Variants in TNKS2 observed in about 807,000 individuals in gnomAD.
The protein encoded by TNKS2 is poly [ADP-ribose] polymerase tankyrase-2.
In TNKS2, 72 loss-of-function variants were observed where a neutral mutation model predicts 137.6. That is an observed-to-expected ratio of 0.52 (90% CI 0.43 to 0.64). The LOEUF is 0.64. TNKS2 is among the 30% of genes least tolerant of loss of function. The probability of loss-of-function intolerance (pLI) is 0.00; values close to 1 mark genes in which losing one functional copy is unlikely to be tolerated. For missense variants in TNKS2, 1,049 were observed against 1,410.2 expected (o/e 0.74, Z 4.10); for synonymous variants, 516 against 512.1 (o/e 1.01, Z -0.10).
intron 12 of TNKS2, among the ~76,000 whole-genome samples, chr10:91,834,801 A>T (rs939988962): frequency 3.3e-5 from 5 of 152,128 alleles, no homozygotes; most frequent in African/African-American, 1.2e-4. Flanking sequence ...CATTCATTTC[A>T]TTGTCAGTTT....
In TNKS2 at chr10:91,805,328, A is replaced by G. The variant is rs183453827; in HGVS notation, c.199+6439A>G. 3.3e-5 allele frequency among the ~76,000 whole-genome samples: 5 copies of G among 152,324 alleles called. No homozygotes were observed. The East Asian group carries it at 9.6e-4, about 29-fold the overall frequency. On this transcript the variant is annotated intron_variant, in intron 1 of 26. Coordinates refer to ENST00000371627, the MANE Select transcript of TNKS2 (RefSeq NM_025235.4). ...ACTGGTTTCAGACATCTTAATGACT[A>G]GGGAATCATGTTGATACAGACATTG...
At chr10:91,816,763 T>C (rs984747388) in intron 2 of TNKS2, among the ~76,000 whole-genome samples, 1 of 152,050 alleles carries the variant, frequency 6.6e-6, no homozygotes, top group Admixed American at 6.5e-5. Flanking sequence ...ATTTCTGTCA[T>C]GATGAACAGT....
At chr10:91,841,570 T>A in intron 15 of TNKS2, 122 bp downstream of exon 15, 1 of 606,110 alleles carries the variant, frequency 1.6e-6, no homozygotes, top group Non-Finnish European at 2.5e-6. Flanking sequence ...CCTAATTCTG[T>A]ACCTAGATTT....
At chr10:91,813,281 T>G in intron 2 of TNKS2, 74 bp downstream of exon 2, 1 of 1,210,100 alleles carries the variant, frequency 8.3e-7, no homozygotes, top group Non-Finnish European at 1.2e-6. Context: ...AATCTGTTCA[T>G]ATCATCAAAT....
At position 91,862,133 on chromosome 10, in the gene TNKS2, A is replaced by G. The variant is rs1334941300; in HGVS notation, c.3416A>G (p.Tyr1139Cys). The G allele has an allele frequency of 6.2e-7, 1 of 1,608,904 alleles. No individual in the cohort carries two copies. Among genetic ancestry groups the G allele is most frequent in the East Asian group, 2.2e-5 (1 of 44,552 alleles). The part of the protein sequence containing the change: ...PSVNGLALAE[Y>C]VIYRGEQAYP... Reference sequence around the variant, plus strand: ...GTAAATGGCCTAGCATTAGCTGAATATGTTATTTACAGAGGAGAACAGGTA... The same window carrying G: ...GTAAATGGCCTAGCATTAGCTGAATGTGTTATTTACAGAGGAGAACAGGTA... Residue 1139 changes from tyrosine to cysteine, a missense_variant, in exon 26 of 27, where the codon TAT becomes TGT. Tyr to Cys is a radical substitution (Grantham distance 194). This residue lies in a region of TNKS2 where 133 missense variants were observed against 248.4 expected (regional missense o/e 0.54). Coordinates refer to ENST00000371627, the MANE Select transcript of TNKS2 (RefSeq NM_025235.4).
intron 1 of TNKS2, among the ~76,000 whole-genome samples, chr10:91,810,475 A>G (rs922872297): frequency 1.3e-5 from 2 of 151,896 alleles, no homozygotes; most frequent in African/African-American, 4.8e-5. Flanking sequence ...GCCTTAGCCT[A>G]ACATACTCCT....
intron 21 of TNKS2, among the ~76,000 whole-genome samples, chr10:91,853,034 C>T (rs779035382): frequency 6.6e-6 from 1 of 152,032 alleles, no homozygotes; most frequent in Non-Finnish European, 1.5e-5. Context: ...AAACTAGAAC[C>T]CTCAGTTGTA....
intron 1 of TNKS2, 36 bp downstream of exon 1, chr10:91,798,925 AC>A: frequency 7.5e-7 from 1 of 1,335,282 alleles, no homozygotes; most frequent in Admixed American, 3.6e-5. Flanking sequence ...CTCGCTCCAG[AC>A]CCCACCTGCG....
At position 91,827,006 on chromosome 10, in the gene TNKS2, T is replaced by C; in HGVS notation, c.796-11T>C. The C allele has an allele frequency of 6.6e-7, 1 of 1,520,422 alleles. No individual in the cohort carries two copies. The highest frequency in any genetic ancestry group is 8.8e-7 in the Non-Finnish European group (1 of 1,132,782). The allele number at this position is 1,520,422 out of a possible 1,614,324, so 94.2% of individuals were successfully genotyped here. A position where few individuals can be genotyped will look rare whatever the true frequency, so the allele number is the denominator to read the frequency against. ...AAATTGAACATTAAATATATGCTTT[T>C]TGCTCTCCAGCATGGTGCCTGTGTA... On this transcript the variant is annotated splice_polypyrimidine_tract_variant and intron_variant, in intron 7 of 26. Coordinates refer to ENST00000371627, the MANE Select transcript of TNKS2 (RefSeq NM_025235.4).
chr10:91,832,657 A>C (rs1188463687), intron 11 of TNKS2, among the ~76,000 whole-genome samples: 1 of 152,128 alleles, frequency 6.6e-6, no homozygotes, highest in Non-Finnish European at 1.5e-5. Context: ...ATATTATCCG[A>C]TTCCATGAAT....
rs1178019096 is a variant in TNKS2, at chr10:91,840,711, A to G, written c.1673+5A>G. On this transcript the variant is annotated splice_donor_5th_base_variant and intron_variant, in intron 14 of 26. Coordinates refer to ENST00000371627, the MANE Select transcript of TNKS2 (RefSeq NM_025235.4). The stretch of plus-strand genomic sequence containing the variant: ...TGTGCATGCTAAAGATAAAGGGTAA[A>G]TGCCAATGATTGTTATGGACTCTCT... 1 of 1,610,658 alleles carries G rather than the reference A, an allele frequency of 6.2e-7. No homozygotes were observed. The highest frequency in any genetic ancestry group is 8.5e-7 in the Non-Finnish European group (1 of 1,178,428).
intron 21 of TNKS2, among the ~76,000 whole-genome samples, chr10:91,852,452 C>T (rs1231095211): frequency 1.3e-5 from 2 of 151,532 alleles, no homozygotes; most frequent in East Asian, 3.9e-4. Flanking sequence ...CCCACTTACT[C>T]GGGAGGCCGA....
At chr10:91,821,107 G>A (rs1296563062) in intron 6 of TNKS2, among the ~76,000 whole-genome samples, 1 of 152,022 alleles carries the variant, frequency 6.6e-6, no homozygotes, top group Non-Finnish European at 1.5e-5. Flanking sequence ...GCGCGATCGT[G>A]GTTCACTGCA....
intron 2 of TNKS2, among the ~76,000 whole-genome samples, chr10:91,813,932 A>G (rs1478862116): frequency 6.6e-6 from 1 of 152,202 alleles, no homozygotes; most frequent in Non-Finnish European, 1.5e-5. Context: ...CGTATAGCAT[A>G]TAAAATTATG....
At position 91,842,301 on chromosome 10, in the gene TNKS2, T is replaced by A. The variant is rs1227220445; in HGVS notation, c.1969T>A (p.Cys657Ser). 6.2e-7 allele frequency: 1 copy of A among 1,614,050 alleles called. No homozygotes were observed. Among genetic ancestry groups the A allele is most frequent in the East Asian group, 2.2e-5 (1 of 44,886 alleles). ...AALLDAAKKG[C>S]LARVKKLSSP... ...TTTGCTAGATGCTGCCAAGAAGGGT[T>A]GTTTAGCCAGAGTGAAGAAGTTGTC... The change falls in exon 16 of 27, where the codon TGT becomes AGT. Residue 657 changes from cysteine (C) to serine (S), a missense_variant. By Grantham distance (112) the Cys-to-Ser change is moderately radical (BLOSUM62 -1). Coordinates refer to ENST00000371627, the MANE Select transcript of TNKS2 (RefSeq NM_025235.4).
At chr10:91,858,776 A>T (rs1159367903) in intron 24 of TNKS2, among the ~76,000 whole-genome samples, 1 of 152,246 alleles carries the variant, frequency 6.6e-6, no homozygotes, top group East Asian at 1.9e-4. Context: ...TGGGAGGCCA[A>T]GGTGAGTGGA....
chr10:91,802,570 T>C (rs1203300833), intron 1 of TNKS2, among the ~76,000 whole-genome samples: 1 of 152,216 alleles, frequency 6.6e-6, no homozygotes, highest in African/African-American at 2.4e-5. Context: ...ATAATCTCAC[T>C]AGTACAAGAA....
chr10:91,804,232 T>C (rs953120339), intron 1 of TNKS2, among the ~76,000 whole-genome samples: 1 of 152,148 alleles, frequency 6.6e-6, no homozygotes, highest in Non-Finnish European at 1.5e-5. Context: ...ATTAAACAAA[T>C]GTTTGTCAAG....
At chr10:91,825,933 G>C (rs1258255693) in intron 7 of TNKS2, among the ~76,000 whole-genome samples, 1 of 152,206 alleles carries the variant, frequency 6.6e-6, no homozygotes, top group Non-Finnish European at 1.5e-5. Flanking sequence ...TTCTAATAAA[G>C]TTAAACATAT....
Sources: gnomAD v4.1 joint callset for allele counts (sites outside exome capture counted in the v4.1 genomes callset) on GRCh38, gnomAD v4.1.1 for gene constraint, gnomAD v4.1.1 regional missense constraint, MANE v1.5 for transcripts, NCBI Gene and HGNC (gene_info 2026-07-23, HGNC 2026-07-21) for gene names.